RBFOX1: variants seen among roughly 807,000 people sequenced by gnomAD.
The protein encoded by RBFOX1 is RNA binding protein fox-1 homolog 1.
In RBFOX1, 8 loss-of-function variants were observed where a neutral mutation model predicts 57.7. The ratio of observed to expected loss-of-function variants is 0.14; its 90% CI spans 0.08 to 0.25. The LOEUF (loss-of-function observed/expected upper bound fraction) is 0.25. Among genes scored for constraint, RBFOX1 ranks in the 10% least tolerant of loss-of-function variants. The pLI is 1.00. For synonymous variants in RBFOX1, 326 were observed against 222.4 expected (o/e 1.47, Z -4.15); for missense variants, 611 against 548.5 (o/e 1.11, Z -1.14).
chr16:7,391,988 C>G (rs188723046), intron 4 of RBFOX1, among the ~76,000 whole-genome samples: 1 of 152,164 alleles, frequency 6.6e-6, no homozygotes, highest in Non-Finnish European at 1.5e-5. Flanking sequence ...AGAATACAAG[C>G]TCTCTCTGTC....
At chr16:7,569,663 T>G (rs12445956) in intron 5 of RBFOX1, among the ~76,000 whole-genome samples, 1 of 152,020 alleles carries the variant, frequency 6.6e-6, no homozygotes, top group African/African-American at 2.4e-5. Flanking sequence ...ATTATGTTGT[T>G]TTCCACAGAA....
chr16:5,979,277 T>A (rs2060127823), intron 4 of RBFOX1, among the ~76,000 whole-genome samples: 1 of 152,196 alleles, frequency 6.6e-6, no homozygotes, highest in South Asian at 2.1e-4. Context: ...GTGAGAGGTA[T>A]CATTTGTTGC....
intron 1 of RBFOX1, among the ~76,000 whole-genome samples, chr16:6,197,345 C>T (rs1485127786): frequency 1.3e-5 from 2 of 152,050 alleles, no homozygotes; most frequent in Admixed American, 6.6e-5. Context: ...ACCCTTCATT[C>T]GTTGTGTCTC....
chr16:5,509,026 C>T (rs1406053326), intron 2 of RBFOX1, among the ~76,000 whole-genome samples: 1 of 152,192 alleles, frequency 6.6e-6, no homozygotes, highest in Non-Finnish European at 1.5e-5. Context: ...CTCTCACTTA[C>T]ACCCTTACTC....
chr16:6,961,145 C>CACACACACACACACACACACACA (rs142889433), intron 3 of RBFOX1, among the ~76,000 whole-genome samples: 5,638 of 143,574 alleles, frequency 0.039, 336 homozygotes, highest in African/African-American at 0.1. Flanking sequence ...TCACACACAC[C>CACACACACACACACACACACACA]CACACAGACA....
intron 3 of RBFOX1, among the ~76,000 whole-genome samples, chr16:6,908,020 T>C (rs961496542): frequency 1.3e-5 from 2 of 151,748 alleles, no homozygotes; most frequent in African/African-American, 4.8e-5. Context: ...GACATGGTCA[T>C]ATTGGATTAG....
intron 1 of RBFOX1, among the ~76,000 whole-genome samples, chr16:6,067,059 T>C (rs2095774592): frequency 6.6e-6 from 1 of 152,150 alleles, no homozygotes; most frequent in African/African-American, 2.4e-5. Context: ...TGATCTGAGA[T>C]TCATGGGAAA....
chr16:6,951,030 C>G (rs1193676584), intron 3 of RBFOX1, among the ~76,000 whole-genome samples: 1 of 151,972 alleles, frequency 6.6e-6, no homozygotes, highest in Non-Finnish European at 1.5e-5. Flanking sequence ...CTCTGCCTCT[C>G]GAGTAGGTGG....
rs532806051 is a variant in RBFOX1, at chr16:7,047,766, C to G, written c.-15-4291C>G. ...TTTTTGTCTTCAATTTTTTTTTCCC[C>G]TATGTTGTTTAGAATGGATACTTTT... On this transcript the variant is annotated intron_variant, in intron 3 of 15. Coordinates refer to ENST00000550418, the MANE Select transcript of RBFOX1 (RefSeq NM_018723.4). Among the ~76,000 whole-genome samples, 285 of 72,848 alleles carry G rather than the reference C, an allele frequency of 3.9e-3. 2 individuals are homozygous for G. The highest frequency in any genetic ancestry group is 0.013 in the African/African-American group (269 of 20,078). 47.8% of individuals were successfully genotyped at this position (72,848 alleles called of 152,430 possible).
chr16:6,665,668 A>G (rs979268408), intron 3 of RBFOX1, among the ~76,000 whole-genome samples: 4 of 151,642 alleles, frequency 2.6e-5, no homozygotes, highest in African/African-American at 9.7e-5. Context: ...ACCTAATGAA[A>G]CCTTGACTGA....
At chr16:5,786,336 C>G (rs2054499525) in intron 3 of RBFOX1, among the ~76,000 whole-genome samples, 1 of 152,120 alleles carries the variant, frequency 6.6e-6, no homozygotes, top group Non-Finnish European at 1.5e-5. Flanking sequence ...GATGGGGGCC[C>G]TTCCAGCTGT....
intron 2 of RBFOX1, among the ~76,000 whole-genome samples, chr16:6,492,096 C>G (rs1160364580): frequency 6.8e-6 from 1 of 147,664 alleles, no homozygotes; most frequent in East Asian, 2.0e-4. Flanking sequence ...GAAAAATAAA[C>G]ATAAATAGCA....
intron 3 of RBFOX1, among the ~76,000 whole-genome samples, chr16:5,743,140 C>T (rs118134690): frequency 5.9e-5 from 9 of 151,754 alleles, no homozygotes; most frequent in African/African-American, 1.5e-4. Flanking sequence ...TTGGAAAGAA[C>T]GAAAAAGGAG....
intron 4 of RBFOX1, among the ~76,000 whole-genome samples, chr16:5,952,654 G>A (rs2059544906): frequency 6.6e-6 from 1 of 152,166 alleles, no homozygotes; most frequent in African/African-American, 2.4e-5. Flanking sequence ...AGTGATGGGT[G>A]TAGCTGTAAT....
chr16:5,882,551 G>A (rs936543797), intron 4 of RBFOX1, among the ~76,000 whole-genome samples: 3 of 152,180 alleles, frequency 2.0e-5, no homozygotes, highest in Admixed American at 2.0e-4. Context: ...CACAGGCACT[G>A]AGCAGAGACC....
chr16:7,384,130 C>T (rs189216419), intron 4 of RBFOX1, among the ~76,000 whole-genome samples: 113 of 151,130 alleles, frequency 7.5e-4, no homozygotes, highest in African/African-American at 2.7e-3. Context: ...ATATGTTCTT[C>T]TTATATTTAC....
intron 4 of RBFOX1, among the ~76,000 whole-genome samples, chr16:7,307,975 G>T (rs964992035): frequency 3.9e-5 from 6 of 152,104 alleles, no homozygotes; most frequent in African/African-American, 1.4e-4. Flanking sequence ...AATCTTCCAC[G>T]TTCCAAAGTA....
chr16:6,884,610 C>T (rs886898528), intron 3 of RBFOX1, among the ~76,000 whole-genome samples: 2 of 151,980 alleles, frequency 1.3e-5, no homozygotes, highest in African/African-American at 4.8e-5. Context: ...ACAAAAAAAA[C>T]TAAATTGGCC....
intron 3 of RBFOX1, among the ~76,000 whole-genome samples, chr16:5,851,807 AGT>A (rs1282853349): frequency 6.6e-6 from 1 of 152,176 alleles, no homozygotes; most frequent in African/African-American, 2.4e-5. Context: ...TCTGTGGGTG[AGT>A]GTCTTAAAGG....
Sources: gnomAD v4.1 joint callset for allele counts (sites outside exome capture counted in the v4.1 genomes callset) on GRCh38, gnomAD v4.1.1 for gene constraint, MANE v1.5 for transcripts, NCBI Gene and HGNC (gene_info 2026-07-23, HGNC 2026-07-21) for gene names.